Variants in CYP4X1 observed in about 807,000 individuals in gnomAD.
CYP4X1 encodes the protein cytochrome P450 family 4 subfamily X member 1, also known as cytochrome P450 4X1.
Under a neutral mutation model 57.9 loss-of-function variants are expected in CYP4X1, and 44 were observed. The observed-to-expected ratio is 0.76, with a 90% CI of 0.60 to 0.98. CYP4X1 has a LOEUF of 0.98. CYP4X1 is among the 50% of genes least tolerant of loss of function. The pLI, the probability that CYP4X1 is intolerant of heterozygous loss-of-function variation, is 0.00. For synonymous variants in CYP4X1, 227 were observed against 228.6 expected, an observed-to-expected ratio of 0.99 and a Z score of 0.06; for missense variants, 532 against 623.9, an observed-to-expected ratio of 0.85 and a Z score of 1.57.
At chr1:46,982,027 T>TTA in the CYP4X1 span, among the ~76,000 whole-genome samples, 1 of 152,170 alleles carries the variant, frequency 6.6e-6, no homozygotes, top group Non-Finnish European at 1.5e-5. Flanking sequence ...AAATACCTAA[T>TTA]GTAAATGACA....
At chr1:47,016,180 T>C in the CYP4X1 span, among the ~76,000 whole-genome samples, 4 of 151,960 alleles carry the variant, frequency 2.6e-5, no homozygotes, top group Non-Finnish European at 5.9e-5. Flanking sequence ...TTATAAAACA[T>C]TTATTGTGTG....
chr1:46,964,812 G>C, the CYP4X1 span, among the ~76,000 whole-genome samples: 5 of 152,302 alleles, frequency 3.3e-5, no homozygotes, highest in African/African-American at 1.2e-4. Flanking sequence ...GCTGCCTTTT[G>C]TTTGGCTATG....
chr1:46,962,751 T>C, the CYP4X1 span, among the ~76,000 whole-genome samples: 3 of 152,230 alleles, frequency 2.0e-5, no homozygotes, highest in Non-Finnish European at 4.4e-5. Flanking sequence ...GAGAGTTCTG[T>C]AGATATGTAT....
At chr1:46,979,282 G>T in the CYP4X1 span, among the ~76,000 whole-genome samples, 1 of 152,154 alleles carries the variant, frequency 6.6e-6, no homozygotes, top group Non-Finnish European at 1.5e-5. Flanking sequence ...AATAAAAAAT[G>T]ATAAAGGGGA....
chr1:47,034,734 G>A (rs1020683868), intron 4 of CYP4X1, among the ~76,000 whole-genome samples: 2 of 152,030 alleles, frequency 1.3e-5, no homozygotes, highest in Non-Finnish European at 2.9e-5. Context: ...CTGTTCAGGT[G>A]CAGCACAGTT....
chr1:47,053,121 C>T (rs370036285), downstream of CYP4X1, among the ~76,000 whole-genome samples: 19 of 151,732 alleles, frequency 1.3e-4, no homozygotes, highest in South Asian at 2.5e-3. Context: ...CCTGTGTCCA[C>T]GTGTTCTCAT....
chr1:47,009,144 C>T, the CYP4X1 span, among the ~76,000 whole-genome samples: 1 of 152,138 alleles, frequency 6.6e-6, no homozygotes, highest in Non-Finnish European at 1.5e-5. Flanking sequence ...CACACCTATT[C>T]CAAAATTGAC....
the CYP4X1 span, among the ~76,000 whole-genome samples, chr1:47,002,464 C>A: frequency 6.6e-6 from 1 of 152,202 alleles, no homozygotes; most frequent in South Asian, 2.1e-4. Flanking sequence ...TGGGATAAAC[C>A]AATGCCTAAA....
the CYP4X1 span, among the ~76,000 whole-genome samples, chr1:46,977,056 G>C: frequency 6.6e-6 from 1 of 152,128 alleles, no homozygotes; most frequent in African/African-American, 2.4e-5. Context: ...AAAAACCAGG[G>C]CACCTCTTCT....
the CYP4X1 span, among the ~76,000 whole-genome samples, chr1:47,001,362 G>T: frequency 6.6e-6 from 1 of 152,190 alleles, no homozygotes; most frequent in African/African-American, 2.4e-5. Flanking sequence ...GTTAATCAAT[G>T]GTTTGTTCAC....
the CYP4X1 span, chr1:46,961,657 C>A: frequency 2.3e-6 from 3 of 1,290,712 alleles, no homozygotes; most frequent in Non-Finnish European, 3.0e-6. Context: ...TATCAAGGTG[C>A]CTCCTCTGGG....
chr1:47,011,251 C>A, the CYP4X1 span, among the ~76,000 whole-genome samples: 1 of 152,118 alleles, frequency 6.6e-6, no homozygotes, highest in African/African-American at 2.4e-5. Context: ...AGAAATAATA[C>A]CACACATCTA....
chr1:47,034,445 A>G (rs770063907), intron 4 of CYP4X1, among the ~76,000 whole-genome samples: 3 of 152,222 alleles, frequency 2.0e-5, no homozygotes, highest in Non-Finnish European at 4.4e-5. Flanking sequence ...GAAATAAGAC[A>G]AGTAATTCAC....
chr1:47,010,522 A>G, the CYP4X1 span, among the ~76,000 whole-genome samples: 1 of 152,314 alleles, frequency 6.6e-6, no homozygotes, highest in East Asian at 1.9e-4. Flanking sequence ...GCCCTCTCTC[A>G]CCACTCCTAT....
At chr1:47,047,636 A>G (rs755530009) in intron 9 of CYP4X1, among the ~76,000 whole-genome samples, 1 of 152,056 alleles carries the variant, frequency 6.6e-6, no homozygotes, top group Non-Finnish European at 1.5e-5. Flanking sequence ...GAGTCTTGCT[A>G]TGTAGCCCAG....
Position 47,036,110 on chromosome 1 carries a change from C to T in CYP4X1, c.714C>T (p.Phe238=), listed in dbSNP as rs1644177925. Residue 238 remains phenylalanine (F), a synonymous_variant, in exon 6 of 12, where the codon TTC becomes TTT. Transcript: ENST00000371901. ...YSLLYHSDII[F]KLSPQGYRFQ... Reference sequence around the variant, plus strand: ...TGTTGTATCACAGTGACATAATTTTCAAACTCAGCCCTCAGGGCTACCGCT... The same window carrying T: ...TGTTGTATCACAGTGACATAATTTTTAAACTCAGCCCTCAGGGCTACCGCT... The T allele has an allele frequency of 1.2e-6, 2 of 1,613,606 alleles. No homozygotes were observed. The highest frequency in any genetic ancestry group is 1.3e-5 in the African/African-American group (1 of 74,876).
chr1:47,013,312 G>A, the CYP4X1 span, among the ~76,000 whole-genome samples: 2 of 152,180 alleles, frequency 1.3e-5, no homozygotes, highest in African/African-American at 4.8e-5. Flanking sequence ...TGATACAGAA[G>A]ACAGACTTTG....
chr1:47,016,679 C>A, the CYP4X1 span, among the ~76,000 whole-genome samples: 29 of 152,254 alleles, frequency 1.9e-4, no homozygotes, highest in African/African-American at 6.7e-4. Flanking sequence ...GATGTTTTGA[C>A]ACAAGGCATG....
In CYP4X1 at chr1:47,035,988, TAACACATTATCCC is replaced by T. The variant is rs779633698; in HGVS notation, c.621-25_621-13del. 17 of 1,610,972 alleles carry T rather than the reference TAACACATTATCCC, an allele frequency of 1.1e-5. No homozygotes were observed. The South Asian group carries it at 1.8e-4, about 17-fold the overall frequency. On this transcript the variant is annotated splice_polypyrimidine_tract_variant and intron_variant, in intron 5 of 11. Coordinates refer to ENST00000371901, the MANE Select transcript of CYP4X1 (RefSeq NM_178033.2). ...TCTTCACATTTTCTAAGTTGTTTAT[TAACACATTATCCC>T]AACTTTCTCTTCTAGCACCCATGAT... is the stretch of plus-strand genomic sequence containing the variant.
Sources: allele counts gnomAD v4.1 joint callset (sites outside exome capture counted in the v4.1 genomes callset), GRCh38; gene constraint gnomAD v4.1.1; transcripts MANE v1.5; gene names NCBI Gene and HGNC (gene_info 2026-07-23, HGNC 2026-07-21).